Variants in KCNK12 observed in about 807,000 individuals in gnomAD.
KCNK12 encodes the protein potassium channel subfamily K member 12.
A neutral mutation model predicts 25.3 loss-of-function variants in KCNK12; 6 were observed. The ratio of observed to expected loss-of-function variants is 0.24; its 90% CI spans 0.13 to 0.47. The LOEUF (loss-of-function observed/expected upper bound fraction) is 0.47. Ranked by LOEUF, KCNK12 falls within the 20% of genes least tolerant of loss-of-function variation. The probability of loss-of-function intolerance (pLI) is 0.99; values close to 1 mark genes in which losing one functional copy is unlikely to be tolerated. For synonymous variants in KCNK12, 331 were observed against 311.1 expected, an observed-to-expected ratio of 1.06 and a Z score of -0.67; for missense variants, 444 against 661.7, an observed-to-expected ratio of 0.67 and a Z score of 3.61.
chr2:47,535,645 A>G (rs1296004923), intron 1 of KCNK12, among the ~76,000 whole-genome samples: 2 of 152,162 alleles, frequency 1.3e-5, no homozygotes, highest in African/African-American at 4.8e-5. Flanking sequence ...TCCCCAGAGC[A>G]GCTCCTGGGG....
intron 1 of KCNK12, among the ~76,000 whole-genome samples, chr2:47,531,219 T>C (rs928598302): frequency 1.3e-5 from 2 of 152,182 alleles, no homozygotes; most frequent in Admixed American, 1.3e-4. Flanking sequence ...ACACCTGTAA[T>C]CCCAGCACTT....
At chr2:47,561,715 C>A (rs1194864948) in intron 1 of KCNK12, among the ~76,000 whole-genome samples, 1 of 152,156 alleles carries the variant, frequency 6.6e-6, no homozygotes, top group African/African-American at 2.4e-5. Flanking sequence ...GGGGTAAGAA[C>A]CATCATGGTC....
chr2:47,536,750 G>A (rs1241909904), intron 1 of KCNK12, among the ~76,000 whole-genome samples: 1 of 152,164 alleles, frequency 6.6e-6, no homozygotes, highest in Non-Finnish European at 1.5e-5. Context: ...TGAGTTAGGT[G>A]ATTTATGGAG....
rs542809781 is a variant in KCNK12 at position 47,511,180 on chromosome 2, T to C, written c.*9727A>G. 1.7e-4 allele frequency among the ~76,000 whole-genome samples: 26 copies of C among 152,296 alleles called. No homozygotes were observed. Among genetic ancestry groups the C allele is most frequent in the Non-Finnish European group, 3.1e-4 (21 of 68,012 alleles). Reference sequence around the variant, plus strand: ...GCAGGAAGGATATCTGGCTTTTGCTTGAATTAGCTAGTGAATTGCTGTGTG... The same window carrying C: ...GCAGGAAGGATATCTGGCTTTTGCTCGAATTAGCTAGTGAATTGCTGTGTG... On this transcript the variant is annotated 3_prime_UTR_variant, in exon 2 of 2. Coordinates refer to ENST00000327876, the MANE Select transcript of KCNK12 (RefSeq NM_022055.2). The surrounding 1 kb of genome is among the most constrained non-coding windows in gnomAD (Gnocchi z 4.3).
intron 1 of KCNK12, chr2:47,563,937 TGGGAGTCCAG>T (rs2104894673): frequency 4.3e-6 from 1 of 232,082 alleles, no homozygotes; most frequent in East Asian, 6.1e-5. Context: ...AGACCATTCC[TGGGAGTCCAG>T]GGGAGAGCAG....
chr2:47,543,084 T>C (rs1354396510), intron 1 of KCNK12, among the ~76,000 whole-genome samples: 1 of 152,126 alleles, frequency 6.6e-6, no homozygotes, highest in Non-Finnish European at 1.5e-5. Flanking sequence ...TGTGCACTAC[T>C]GTGCTTGGCC....
chr2:47,547,673 C>G lies in KCNK12; in HGVS notation c.391+22268G>C, dbSNP rs1669342406. ...AGTGCAGTACCATGATCTTGACTCA[C>G]AGCAACCTCTGCCTCCCTGTTTCAA... is the stretch of plus-strand genomic sequence containing the variant. On this transcript the variant is annotated intron_variant, in intron 1 of 1. Transcript: ENST00000327876. This position sits in a 1 kb window ranked among gnomAD's most constrained non-coding sequence, Gnocchi z 5.0. Among the ~76,000 whole-genome samples the G allele has an allele frequency of 6.6e-6, 1 of 152,186 alleles. No homozygotes were observed. The highest frequency in any genetic ancestry group is 6.5e-5 in the Admixed American group (1 of 15,290).
In KCNK12 at chr2:47,521,045, C is replaced by T; in HGVS notation, c.1155G>A (p.Leu385=). 2 of 1,397,822 alleles carry T rather than the reference C, an allele frequency of 1.4e-6. No homozygotes were observed. Among genetic ancestry groups the T allele is most frequent in the Non-Finnish European group, 1.9e-6 (2 of 1,072,566 alleles). The allele number at this position is 1,397,822 out of a possible 1,614,324, so 86.6% of individuals were successfully genotyped here. The part of the protein sequence containing the change: ...TASNKVSLAL[L]QKQLSETANG... ...TGGCCGTCTCCGACAGCTGCTTCTG[C>T]AGCAGCGCCAGCGACACCTTGTTGG... Residue 385 remains leucine, a synonymous_variant, in exon 2 of 2, where the codon CTG becomes CTA. Coordinates refer to ENST00000327876, the MANE Select transcript of KCNK12 (RefSeq NM_022055.2).
chr2:47,544,003 C>T (rs1024571354), intron 1 of KCNK12, among the ~76,000 whole-genome samples: 17 of 152,130 alleles, frequency 1.1e-4, no homozygotes, highest in African/African-American at 2.4e-4. Flanking sequence ...GGGATAAGTA[C>T]GCAGGGCCTG....
intron 1 of KCNK12, among the ~76,000 whole-genome samples, chr2:47,532,873 C>A (rs1014839277): frequency 6.6e-6 from 1 of 152,234 alleles, no homozygotes; most frequent in African/African-American, 2.4e-5. Flanking sequence ...CCTCGGAGAG[C>A]TGAGAGCAGA....
intron 1 of KCNK12, among the ~76,000 whole-genome samples, chr2:47,552,997 C>T (rs1669471650): frequency 6.6e-6 from 1 of 152,208 alleles, no homozygotes; most frequent in Non-Finnish European, 1.5e-5. Context: ...CCAAAGGCCA[C>T]ATGATCCCCC....
intron 1 of KCNK12, among the ~76,000 whole-genome samples, chr2:47,544,318 C>T (rs1669265877): frequency 6.6e-6 from 1 of 152,252 alleles, no homozygotes; most frequent in Admixed American, 6.5e-5. Context: ...GCTGTCCCTC[C>T]AGCAAGGCCT....
At chr2:47,526,008 A>G (rs1668762208) in intron 1 of KCNK12, among the ~76,000 whole-genome samples, 1 of 152,222 alleles carries the variant, frequency 6.6e-6, no homozygotes, top group East Asian at 1.9e-4. Flanking sequence ...GGGAGGCTAA[A>G]TAAGCTCTGA....
Position 47,556,210 on chromosome 2 carries a change from C to G in KCNK12, c.391+13731G>C, listed in dbSNP as rs1330059947. On this transcript the variant is annotated intron_variant, in intron 1 of 1. Transcript: ENST00000327876. The surrounding 1 kb of genome is among the most constrained non-coding windows in gnomAD (Gnocchi z 4.8). ...ACCGATGGAGTATAAATTAACAATG[C>G]ATGGGGAGTGGGTAATGACAGGAAC... 1.3e-5 allele frequency among the ~76,000 whole-genome samples: 2 copies of G among 152,100 alleles called. No individual in the cohort carries two copies. Among genetic ancestry groups the G allele is most frequent in the Admixed American group, 1.3e-4 (2 of 15,268 alleles).
intron 1 of KCNK12, among the ~76,000 whole-genome samples, chr2:47,550,588 G>C (rs1186609106): frequency 6.6e-6 from 1 of 151,758 alleles, no homozygotes; most frequent in East Asian, 1.9e-4. Context: ...TCACCATGCT[G>C]GCCAGGCTGG....
Position 47,512,228 on chromosome 2 carries a change from G to A in KCNK12, c.*8679C>T. ...AAGCTGGGTCAGGTACTCTGCAGAT[G>A]TTTGCTGAGTATCGTTCTTGATGGA... On this transcript the variant is annotated 3_prime_UTR_variant, in exon 2 of 2. Coordinates refer to ENST00000327876, the MANE Select transcript of KCNK12 (RefSeq NM_022055.2). 1 of 1,553,784 alleles carries A rather than the reference G, an allele frequency of 6.4e-7. No individual in the cohort carries two copies. The highest frequency in any genetic ancestry group is 8.8e-7 in the Non-Finnish European group (1 of 1,139,450).
Position 47,570,557 on chromosome 2 carries a change from G to T in KCNK12, c.-226C>A. The T allele has an allele frequency of 2.9e-6, 1 of 340,532 alleles. No individual in the cohort carries two copies. The highest frequency in any genetic ancestry group is 5.0e-6 in the Non-Finnish European group (1 of 198,834). 21.1% of individuals were successfully genotyped at this position (340,532 alleles called of 1,614,324 possible). A position where few individuals can be genotyped will look rare whatever the true frequency, so the allele number is the denominator to read the frequency against. On this transcript the variant is annotated 5_prime_UTR_variant, in exon 1 of 2. Coordinates refer to ENST00000327876, the MANE Select transcript of KCNK12 (RefSeq NM_022055.2). ...ACACGCGAGTCCCGTGGCCCAGCGG[G>T]TGCCCGGGCAGGGGCGCTCCTCTGC...
chr2:47,510,113 T>G lies in KCNK12; in HGVS notation c.*10794A>C, dbSNP rs892189233. 3 of 152,246 alleles carry G rather than the reference T, an allele frequency of 2.0e-5. No homozygotes were observed. The highest frequency in any genetic ancestry group is 4.8e-5 in the African/African-American group (2 of 41,472). 9.4% of individuals were successfully genotyped at this position (152,246 alleles called of 1,614,324 possible). On this transcript the variant is annotated 3_prime_UTR_variant, in exon 2 of 2. Coordinates refer to ENST00000327876, the MANE Select transcript of KCNK12 (RefSeq NM_022055.2). ...TCCTAGGGAGGTCTAGGAAAAGTCC[T>G]GTTGGGAGAGAGCATTTTTTACCTT... is the stretch of plus-strand genomic sequence containing the variant.
Position 47,551,815 on chromosome 2 carries a change from G to A in KCNK12, c.391+18126C>T, listed in dbSNP as rs1669439757. Among the ~76,000 whole-genome samples, 1 of 152,182 alleles carries A rather than the reference G, an allele frequency of 6.6e-6. No homozygotes were observed. Among genetic ancestry groups the A allele is most frequent in the Admixed American group, 6.5e-5 (1 of 15,282 alleles). On this transcript the variant is annotated intron_variant, in intron 1 of 1. Coordinates refer to ENST00000327876, the MANE Select transcript of KCNK12 (RefSeq NM_022055.2). This position sits in a 1 kb window ranked among gnomAD's most constrained non-coding sequence, Gnocchi z 5.3. ...AGGCTGCACTGTGCATAAATCTAGG[G>A]GACTACATGGAGTTCTGAATGACAT...
Sources: gnomAD v4.1 joint callset for allele counts (sites outside exome capture counted in the v4.1 genomes callset) on GRCh38, gnomAD v4.1.1 for gene constraint, Gnocchi (gnomAD v3.1) non-coding constraint, MANE v1.5 for transcripts, NCBI Gene and HGNC (gene_info 2026-07-23, HGNC 2026-07-21) for gene names.